DLG2: variants seen among roughly 807,000 people sequenced by gnomAD.
DLG2 encodes the protein disks large homolog 2.
Under a neutral mutation model 132.5 loss-of-function variants are expected in DLG2, and 45 were observed. The ratio of observed to expected loss-of-function variants is 0.34; its 90% confidence interval spans 0.27 to 0.44. The LOEUF (loss-of-function observed/expected upper bound fraction) is 0.44. Among genes scored for constraint, DLG2 ranks in the 20% least tolerant of loss-of-function variants. The pLI is 1.00. For synonymous variants in DLG2, 424 were observed against 419.6 expected, an observed-to-expected ratio of 1.01 and a Z score of -0.13; for missense variants, 1,045 against 1,196.9, an observed-to-expected ratio of 0.87 and a Z score of 1.87.
intron 7 of DLG2, 94 bp downstream of exon 7, chr11:84,534,476 G>A: frequency 2.3e-6 from 3 of 1,292,536 alleles, no homozygotes; most frequent in Non-Finnish European, 3.3e-6. Context: ...TGTTTTAAAA[G>A]AGCCTCATTT....
At chr11:84,402,355 G>A (rs74438513) in intron 7 of DLG2, among the ~76,000 whole-genome samples, 1 of 152,166 alleles carries the variant, frequency 6.6e-6, no homozygotes, top group African/African-American at 2.4e-5. Context: ...GAATGGTTAA[G>A]ATCTGGAGTC....
chr11:83,760,397 T>C (rs1203354501), intron 18 of DLG2, among the ~76,000 whole-genome samples: 1 of 152,110 alleles, frequency 6.6e-6, no homozygotes, highest in Non-Finnish European at 1.5e-5. Context: ...AAACACATAT[T>C]CTTTCTCATT....
intron 8 of DLG2, among the ~76,000 whole-genome samples, chr11:84,179,784 C>T (rs1295916484): frequency 6.6e-6 from 1 of 151,962 alleles, no homozygotes. Context: ...AGGGAAATAC[C>T]CAAGTCCAGA....
At chr11:83,635,307 G>A (rs748485050) in intron 18 of DLG2, among the ~76,000 whole-genome samples, 7 of 152,172 alleles carry the variant, frequency 4.6e-5, no homozygotes, top group South Asian at 2.1e-4. Flanking sequence ...TGAGCAAGTC[G>A]TATTTTCTTG....
rs559297144 is a variant in DLG2, at chr11:83,751,777, T to G, written c.1825+34913A>C. 2.6e-5 allele frequency among the ~76,000 whole-genome samples: 4 copies of G among 152,256 alleles called. No individual in the cohort carries two copies. The South Asian group carries it at 6.2e-4, about 24-fold the overall frequency. ...AAAGTAGAAGATCAAAAGGTCAATT[T>G]TGGACATGCTATGTTTAAGATACTT... On this transcript the variant is annotated intron_variant, in intron 18 of 27. Transcript: ENST00000376104.
At chr11:84,352,885 G>C (rs552666149) in intron 7 of DLG2, among the ~76,000 whole-genome samples, 1 of 152,050 alleles carries the variant, frequency 6.6e-6, no homozygotes, top group African/African-American at 2.4e-5. Context: ...AAATCTCAGG[G>C]ACAGCTAAAG....
intron 6 of DLG2, among the ~76,000 whole-genome samples, chr11:85,110,130 C>A (rs1444646516): frequency 6.6e-6 from 1 of 152,036 alleles, no homozygotes; most frequent in African/African-American, 2.4e-5. Context: ...TGAAATGATA[C>A]CATCAGGGAT....
At chr11:85,549,425 G>A (rs1309023903) in intron 3 of DLG2, among the ~76,000 whole-genome samples, 3 of 152,062 alleles carry the variant, frequency 2.0e-5, no homozygotes, top group Admixed American at 1.3e-4. Flanking sequence ...GTTCCTATTC[G>A]GCCATCTTGC....
chr11:83,876,908 C>T (rs929646345), intron 15 of DLG2, among the ~76,000 whole-genome samples: 2 of 152,000 alleles, frequency 1.3e-5, no homozygotes, highest in Non-Finnish European at 2.9e-5. Context: ...ACGTTACTTC[C>T]TATGAAGATA....
At chr11:84,436,125 T>A (rs951186175) in intron 7 of DLG2, among the ~76,000 whole-genome samples, 1 of 152,168 alleles carries the variant, frequency 6.6e-6, no homozygotes, top group Admixed American at 6.5e-5. Context: ...AGGCTTGTAA[T>A]CTTTTTATCT....
chr11:84,128,945 A>G (rs1408511759), intron 9 of DLG2, among the ~76,000 whole-genome samples: 2 of 152,064 alleles, frequency 1.3e-5, no homozygotes, highest in Non-Finnish European at 2.9e-5. Context: ...TAAGTTGTCA[A>G]CTCGTTTTCT....
chr11:85,576,455 T>C (rs1050860246), intron 3 of DLG2, among the ~76,000 whole-genome samples: 2 of 152,204 alleles, frequency 1.3e-5, no homozygotes, highest in African/African-American at 2.4e-5. Flanking sequence ...TCTACTGAAT[T>C]AACTATAAAT....
At chr11:84,274,026 T>A (rs1268349022) in intron 7 of DLG2, among the ~76,000 whole-genome samples, 1 of 152,212 alleles carries the variant, frequency 6.6e-6, no homozygotes, top group Non-Finnish European at 1.5e-5. Context: ...ACAAGGAGAA[T>A]CGTGTCTTTA....
At chr11:85,206,971 C>T (rs1299864483) in intron 4 of DLG2, among the ~76,000 whole-genome samples, 1 of 152,114 alleles carries the variant, frequency 6.6e-6, no homozygotes, top group East Asian at 1.9e-4. Context: ...TTCATAGCTA[C>T]ACTTACCATA....
At chr11:85,617,775 T>C (rs771575968) in intron 2 of DLG2, among the ~76,000 whole-genome samples, 21 of 152,202 alleles carry the variant, frequency 1.4e-4, no homozygotes, top group Non-Finnish European at 2.2e-4. Context: ...TACCATGCTT[T>C]TAATGATAAA....
intron 6 of DLG2, among the ~76,000 whole-genome samples, chr11:84,839,063 G>A (rs1192951001): frequency 1.3e-5 from 2 of 152,108 alleles, no homozygotes; most frequent in Non-Finnish European, 2.9e-5. Context: ...GTCCCTGTTT[G>A]CAGATGACAT....
At chr11:85,125,389 G>C (rs2074968223) in intron 5 of DLG2, among the ~76,000 whole-genome samples, 1 of 152,036 alleles carries the variant, frequency 6.6e-6, no homozygotes, top group Non-Finnish European at 1.5e-5. Flanking sequence ...CAGATGATTG[G>C]TATGATTCAT....
intron 6 of DLG2, among the ~76,000 whole-genome samples, chr11:85,011,273 A>T (rs1167605844): frequency 6.6e-6 from 1 of 152,192 alleles, no homozygotes; most frequent in Non-Finnish European, 1.5e-5. Flanking sequence ...TTTTTCCATA[A>T]TAACAGACCT....
At chr11:84,214,571 GA>G (rs1597590297) in intron 8 of DLG2, among the ~76,000 whole-genome samples, 1 of 151,908 alleles carries the variant, frequency 6.6e-6, no homozygotes, top group East Asian at 1.9e-4. Flanking sequence ...AATAATCTTG[GA>G]AAATTACGTA....
Sources: allele counts gnomAD v4.1 joint callset (sites outside exome capture counted in the v4.1 genomes callset), GRCh38; gene constraint gnomAD v4.1.1; transcripts MANE v1.5; gene names NCBI Gene and HGNC (gene_info 2026-07-23, HGNC 2026-07-21).